Variants in KATNAL2 observed in about 807,000 individuals in gnomAD.
KATNAL2 encodes the protein katanin p60 ATPase-containing subunit A-like 2.
A neutral mutation model predicts 76.3 loss-of-function variants in KATNAL2; 52 were observed. The ratio of observed to expected loss-of-function variants is 0.68; its 90% CI spans 0.55 to 0.86. The LOEUF (loss-of-function observed/expected upper bound fraction) is 0.86, where lower values mean the gene tolerates loss of function less well. Ranked by LOEUF, KATNAL2 falls within the 40% of genes least tolerant of loss-of-function variation. The pLI, the probability that KATNAL2 is intolerant of heterozygous loss-of-function variation, is 0.00. For missense variants in KATNAL2, 660 were observed against 668.9 expected (o/e 0.99, Z 0.15); for synonymous variants, 243 against 244.2 (o/e 1.00, Z 0.05).
intron 3 of KATNAL2, among the ~76,000 whole-genome samples, chr18:47,043,819 T>C (rs964915861): frequency 3.4e-4 from 34 of 99,384 alleles, no homozygotes; most frequent in Admixed American, 4.9e-4. Context: ...GTTATTCATT[T>C]CAAAAAAAAA....
chr18:47,070,528 C>A (rs2571011), intron 13 of KATNAL2, among the ~76,000 whole-genome samples: 1 of 152,022 alleles, frequency 6.6e-6, no homozygotes, highest in Admixed American at 6.5e-5. Context: ...GGTTTAGGTC[C>A]CAGTGTAAGA....
chr18:47,031,566 A>T lies in KATNAL2; in HGVS notation c.52-14891A>T, dbSNP rs562791943. ...TCCACAGTTTGTAGAAAAATAGGTA[A>T]ATTTGCTGTGTTTCCAGACTTCCAG... On this transcript the variant is annotated intron_variant, in intron 3 of 17. Coordinates refer to ENST00000683218, the MANE Select transcript of KATNAL2 (RefSeq NM_001387690.1). Among the ~76,000 whole-genome samples the T allele has an allele frequency of 1.1e-4, 17 of 152,148 alleles. No homozygotes were observed. The East Asian group carries it at 2.9e-3, about 26-fold the overall frequency.
At position 47,058,366 on chromosome 18, in the gene KATNAL2, G is replaced by A; in HGVS notation, c.450+14G>A. 6.6e-7 allele frequency: 1 copy of A among 1,510,892 alleles called. No individual in the cohort carries two copies. 93.6% of individuals were successfully genotyped at this position (1,510,892 alleles called of 1,614,324 possible). On this transcript the variant is annotated intron_variant, in intron 7 of 17. Coordinates refer to ENST00000683218, the MANE Select transcript of KATNAL2 (RefSeq NM_001387690.1). Reference sequence around the variant, plus strand: ...CATCCTAATCAGGTCAGGATGGCTTGGCTTGACTTTGTGAACAGCACACTT... The same window carrying A: ...CATCCTAATCAGGTCAGGATGGCTTAGCTTGACTTTGTGAACAGCACACTT...
At chr18:47,072,552 C>T (rs1281704820) in intron 13 of KATNAL2, among the ~76,000 whole-genome samples, 1 of 152,168 alleles carries the variant, frequency 6.6e-6, no homozygotes, top group Non-Finnish European at 1.5e-5. Context: ...CTCAAGTAAT[C>T]TTCCCACCTC....
intron 3 of KATNAL2, among the ~76,000 whole-genome samples, chr18:47,040,914 A>G (rs1239706780): frequency 1.3e-5 from 2 of 152,242 alleles, no homozygotes; most frequent in Non-Finnish European, 2.9e-5. Flanking sequence ...TATATTGAAT[A>G]CAATTTTATA....
intron 3 of KATNAL2, among the ~76,000 whole-genome samples, chr18:46,952,890 C>CTTTTTTTTT (rs35782374): frequency 2.1e-5 from 2 of 93,052 alleles, no homozygotes; most frequent in African/African-American, 4.3e-5. Context: ...TTCCTTCCTT[C>CTTTTTTTTT]TTTTTTTTTT....
chr18:47,044,207 A>C (rs977046975), intron 3 of KATNAL2, among the ~76,000 whole-genome samples: 1 of 152,086 alleles, frequency 6.6e-6, no homozygotes, highest in Non-Finnish European at 1.5e-5. Flanking sequence ...TGATGAGAAA[A>C]AAAAAGCAAA....
chr18:46,925,473 A>T (rs1433355721), intron 1 of KATNAL2, among the ~76,000 whole-genome samples: 9 of 152,114 alleles, frequency 5.9e-5, no homozygotes, highest in Non-Finnish European at 1.0e-4. Context: ...ATGCTGCTGG[A>T]TTCGGTTTGC....
intron 3 of KATNAL2, among the ~76,000 whole-genome samples, chr18:46,948,068 G>A (rs554364662): frequency 4.6e-5 from 7 of 152,202 alleles, no homozygotes; most frequent in South Asian, 4.1e-4. Context: ...AAACACAGCC[G>A]TAAACGTTCT....
intron 3 of KATNAL2, among the ~76,000 whole-genome samples, chr18:47,039,812 C>A (rs539570237): frequency 6.6e-6 from 1 of 152,294 alleles, no homozygotes; most frequent in South Asian, 2.1e-4. Flanking sequence ...GGGCACCCAC[C>A]AATTACTATC....
At chr18:46,929,551 T>C (rs1318258966) in intron 1 of KATNAL2, among the ~76,000 whole-genome samples, 1 of 152,118 alleles carries the variant, frequency 6.6e-6, no homozygotes, top group Non-Finnish European at 1.5e-5. Context: ...CCACAATTCA[T>C]TTCTTTTTAT....
At chr18:47,073,261 T>C (rs1203073324) in intron 13 of KATNAL2, among the ~76,000 whole-genome samples, 3 of 152,252 alleles carry the variant, frequency 2.0e-5, no homozygotes, top group Non-Finnish European at 4.4e-5. Flanking sequence ...ATTTCAGTGC[T>C]CGAATATGTA....
Position 47,057,852 on chromosome 18 carries a change from T to C in KATNAL2, c.333-383T>C, listed in dbSNP as rs117703720. ...TAGTTTGAATGGGAGGACTCCTTTC[T>C]CTCTCACACCTTTCTCCTGGTCTAA... is the stretch of plus-strand genomic sequence containing the variant. On this transcript the variant is annotated intron_variant, in intron 6 of 17. Transcript: ENST00000683218. Among the ~76,000 whole-genome samples the C allele has an allele frequency of 7.2e-3, 1,099 of 152,326 alleles. 7 individuals carry two copies. Among genetic ancestry groups the C allele is most frequent in the Non-Finnish European group, 0.011 (758 of 68,032 alleles).
chr18:46,925,157 T>C (rs989291270), intron 1 of KATNAL2, among the ~76,000 whole-genome samples: 1 of 152,214 alleles, frequency 6.6e-6, no homozygotes, highest in Admixed American at 6.5e-5. Context: ...CCCTGTCTTG[T>C]GCCAGTTTTC....
chr18:47,100,305 G>A lies in KATNAL2; in HGVS notation c.1426G>A (p.Ala476Thr). The A allele has an allele frequency of 1.2e-6, 2 of 1,614,144 alleles. No homozygotes were observed. Among genetic ancestry groups the A allele is most frequent in the Non-Finnish European group, 1.7e-6 (2 of 1,179,998 alleles). The change falls in exon 17 of 18, where the codon GCC (alanine) becomes ACC (threonine). Residue 476 changes from alanine to threonine, a missense_variant. By Grantham distance (58) the Ala-to-Thr change is moderately conservative. Transcript: ENST00000683218. ...TATTAAGCTCGTCTGCAGGGAAGCA[G>A]CCATGCGGCCCGTGAGGAAGATCTT... The part of the protein sequence containing the change: ...SDIKLVCREA[A>T]MRPVRKIFDA...
chr18:46,923,331 T>A (rs537521337), intron 1 of KATNAL2, among the ~76,000 whole-genome samples: 1 of 151,658 alleles, frequency 6.6e-6, no homozygotes, highest in Admixed American at 6.6e-5. Context: ...TTTGGTTTTT[T>A]GTCCTTGCGA....
intron 8 of KATNAL2, among the ~76,000 whole-genome samples, chr18:47,061,553 G>T (rs1359950699): frequency 6.6e-6 from 1 of 152,106 alleles, no homozygotes; most frequent in African/African-American, 2.4e-5. Flanking sequence ...ATTTGGAGGG[G>T]GCACACATCC....
intron 3 of KATNAL2, among the ~76,000 whole-genome samples, chr18:47,041,069 G>T (rs115447295): frequency 6.6e-6 from 1 of 152,110 alleles, no homozygotes; most frequent in African/African-American, 2.4e-5. Flanking sequence ...ATTTTTTAGC[G>T]CAGTTTTAGA....
rs1444623340 is a variant in KATNAL2 at position 46,948,446 on chromosome 18, C to T, written c.51+1523C>T. Among the ~76,000 whole-genome samples the T allele has an allele frequency of 5.8e-5, 8 of 137,592 alleles. 1 individual carries two copies. The highest frequency in any genetic ancestry group is 1.6e-4 in the African/African-American group (6 of 36,852). The allele number at this position is 137,592 out of a possible 152,430, so 90.3% of individuals were successfully genotyped here. A position where few individuals can be genotyped will look rare whatever the true frequency, so the allele number is the denominator to read the frequency against. ...TTCTTCTTTTTTTTTTTTTTTGAGT[C>T]GGAGTTTTGCTCTTGTTGCCCGGGC... On this transcript the variant is annotated intron_variant, in intron 3 of 17. Transcript: ENST00000683218.
Sources: allele counts gnomAD v4.1 joint callset (sites outside exome capture counted in the v4.1 genomes callset), GRCh38; gene constraint gnomAD v4.1.1; transcripts MANE v1.5; gene names NCBI Gene and HGNC (gene_info 2026-07-23, HGNC 2026-07-21).